The following EMC3 variants were observed in gnomAD, a reference collection of about 807,000 sequenced individuals.
EMC3 encodes the protein ER membrane protein complex subunit 3.
A neutral mutation model predicts 36.6 loss-of-function variants in EMC3; 13 were observed. The observed-to-expected ratio is 0.35, with a 90% CI of 0.23 to 0.56. The LOEUF is 0.56. Among genes scored for constraint, EMC3 ranks in the 20% least tolerant of loss-of-function variants. The pLI is 0.84. For synonymous variants in EMC3, 120 were observed against 111.9 expected (o/e 1.07, Z -0.46); for missense variants, 220 against 324.5 (o/e 0.68, Z 2.47).
In EMC3 at chr3:9,963,477, A is replaced by ATATATATATATATTT. The variant is rs61596273; in HGVS notation, c.*591_*592insAAATATATATATATA. On this transcript the variant is annotated 3_prime_UTR_variant, in exon 8 of 8. Transcript: ENST00000245046. ...TAGATATATATATATATATATATAT[A>ATATATATATATATTT]TTTTTTTTTTTTTTTCAGATGGAGT... The ATATATATATATATTT allele has an allele frequency of 1.1e-5, 1 of 88,926 alleles. No individual in the cohort carries two copies. Among genetic ancestry groups the ATATATATATATATTT allele is most frequent in the Non-Finnish European group, 2.2e-5 (1 of 46,270 alleles). 5.5% of individuals were successfully genotyped at this position (88,926 alleles called of 1,614,324 possible).
At chr3:9,972,827 C>G (rs2085801196) in intron 5 of EMC3, among the ~76,000 whole-genome samples, 3 of 146,326 alleles carry the variant, frequency 2.1e-5, no homozygotes. Context: ...ATTAGAAATC[C>G]TCATCTTTTT....
rs570979289 is a variant in EMC3 at position 9,975,519 on chromosome 3, A to G, written c.308-1031T>C. ...AGCTTACTGGGCTAAAAAAAAAAAA[A>G]AGAGATATCTTGGCCAGGCACGGTG... On this transcript the variant is annotated intron_variant, in intron 3 of 7. Coordinates refer to ENST00000245046, the MANE Select transcript of EMC3 (RefSeq NM_001394674.1). Among the ~76,000 whole-genome samples the G allele has an allele frequency of 3.3e-4, 50 of 152,100 alleles. 1 individual carries two copies. Among genetic ancestry groups the G allele is most frequent in the East Asian group, 1.7e-3 (9 of 5,180 alleles).
At chr3:9,977,125 C>T (rs2085858367) in intron 2 of EMC3, 75 bp from the exon 3 acceptor site, 1 of 1,218,688 alleles carries the variant, frequency 8.2e-7, no homozygotes, top group African/African-American at 1.5e-5. Flanking sequence ...TCCCCAGTGG[C>T]TTAGTCAGAA....
At chr3:9,994,181 A>G in intron 1 of EMC3, 1 of 1,584,774 alleles carries the variant, frequency 6.3e-7, no homozygotes, top group Non-Finnish European at 8.6e-7. Context: ...ACTCTTCCCC[A>G]CTCAAGGTTC....
intron 1 of EMC3, chr3:10,007,640 G>C (rs2086279534): frequency 7.4e-7 from 1 of 1,360,350 alleles, no homozygotes; most frequent in East Asian, 4.6e-5. Flanking sequence ...GATGGAGGGG[G>C]TGGTGGGAAT....
At chr3:9,969,575 G>A (rs1048809423) in intron 7 of EMC3, 144 bp downstream of exon 7, 5 of 1,529,072 alleles carry the variant, frequency 3.3e-6, no homozygotes, top group Admixed American at 4.0e-5. Context: ...TCAGGAAAGA[G>A]AGACGTGTAA....
chr3:9,975,449 G>A (rs2085836837), intron 3 of EMC3, among the ~76,000 whole-genome samples: 1 of 151,280 alleles, frequency 6.6e-6, no homozygotes, highest in African/African-American at 2.4e-5. Flanking sequence ...TAACTTCCTC[G>A]ACCTTGACAA....
intron 1 of EMC3, chr3:10,007,638 GGGT>G: frequency 2.2e-6 from 3 of 1,361,124 alleles, no homozygotes; most frequent in Non-Finnish European, 2.9e-6. Context: ...GGGATGGAGG[GGGT>G]GGTGGGAATG....
chr3:9,994,182 C>G, intron 1 of EMC3: 2 of 1,584,818 alleles, frequency 1.3e-6, no homozygotes, highest in Non-Finnish European at 1.7e-6. Context: ...CTCTTCCCCA[C>G]TCAAGGTTCT....
At chr3:9,965,412 C>A (rs2124897389) in intron 7 of EMC3, among the ~76,000 whole-genome samples, 1 of 120,658 alleles carries the variant, frequency 8.3e-6, no homozygotes, top group South Asian at 2.8e-4. Flanking sequence ...CACAGTGAGA[C>A]CCTCGATAGA....
intron 1 of EMC3, chr3:10,007,060 C>T: frequency 9.9e-6 from 3 of 303,302 alleles, no homozygotes; most frequent in South Asian, 2.8e-5. Flanking sequence ...GCTTTGCACC[C>T]TCTTTGCACA....
upstream of EMC3, among the ~76,000 whole-genome samples, chr3:9,990,892 G>A (rs1245043788): frequency 2.6e-5 from 4 of 151,150 alleles, no homozygotes; most frequent in Non-Finnish European, 5.9e-5. Context: ...GCAGTGGCAC[G>A]ATCTCGGCTC....
intron 1 of EMC3, among the ~76,000 whole-genome samples, chr3:9,999,186 C>T (rs951674894): frequency 6.6e-6 from 1 of 152,054 alleles, no homozygotes; most frequent in African/African-American, 2.4e-5. Flanking sequence ...GGTTTTCACT[C>T]CCTTGATAGT....
intron 5 of EMC3, among the ~76,000 whole-genome samples, chr3:9,973,288 G>A (rs1323693560): frequency 6.6e-6 from 1 of 151,530 alleles, no homozygotes; most frequent in Non-Finnish European, 1.5e-5. Context: ...TCCGCCTCCT[G>A]GGTTCATGCA....
intron 1 of EMC3, among the ~76,000 whole-genome samples, chr3:9,983,015 T>G (rs13074282): frequency 0.23 from 34,265 of 152,112 alleles, 4,480 homozygotes; most frequent in African/African-American, 0.36. Flanking sequence ...CCACTCCATG[T>G]CAGAGCTGGT....
At position 9,972,482 on chromosome 3, in the gene EMC3, A is replaced by C. The variant is rs942441012; in HGVS notation, c.494+1146T>G. On this transcript the variant is annotated intron_variant, in intron 5 of 7. Transcript: ENST00000245046. Reference sequence around the variant, plus strand: ...TCAATGAAAAAAAAAAAAAAAAAAAAAACTCTGGCCAGGCGTGGTGGCTCA... The same window carrying C: ...TCAATGAAAAAAAAAAAAAAAAAAACAACTCTGGCCAGGCGTGGTGGCTCA... 4.6e-5 allele frequency among the ~76,000 whole-genome samples: 6 copies of C among 129,332 alleles called. No individual in the cohort carries two copies. In the South Asian group the frequency reaches 1.5e-3, roughly 32 times the overall value. 84.8% of individuals were successfully genotyped at this position (129,332 alleles called of 152,430 possible).
chr3:9,994,277 C>T (rs1468770247), intron 1 of EMC3: 7 of 1,190,180 alleles, frequency 5.9e-6, no homozygotes, highest in African/African-American at 1.5e-5. Flanking sequence ...TTGGCAGTCT[C>T]CTATACAAAT....
At chr3:9,990,930 G>A (rs1328841297), upstream of EMC3, among the ~76,000 whole-genome samples, 1 of 151,988 alleles carries the variant, frequency 6.6e-6, no homozygotes, top group Non-Finnish European at 1.5e-5. Context: ...CCGGGTTCAC[G>A]CCATTCTCCT....
chr3:9,967,870 T>C (rs917333951), intron 7 of EMC3, among the ~76,000 whole-genome samples: 3 of 152,262 alleles, frequency 2.0e-5, no homozygotes, highest in East Asian at 1.9e-4. Flanking sequence ...GTCTTTAATT[T>C]CTTTCAGCAA....
Sources: allele counts gnomAD v4.1 joint callset (sites outside exome capture counted in the v4.1 genomes callset), GRCh38; gene constraint gnomAD v4.1.1; transcripts MANE v1.5; gene names NCBI Gene and HGNC (gene_info 2026-07-23, HGNC 2026-07-21).